Variants in DYM observed in about 807,000 individuals in gnomAD.
DYM encodes dyggve-Melchior-Clausen syndrome protein.
In DYM, 78 loss-of-function variants were observed where a neutral mutation model predicts 93.1. That is an observed-to-expected ratio of 0.84 (90% CI 0.70 to 1.01). The LOEUF (loss-of-function observed/expected upper bound fraction) is 1.01. DYM is among the 50% of genes least tolerant of loss of function. The pLI is 0.00. For missense variants in DYM, 789 were observed against 845.0 expected, an observed-to-expected ratio of 0.93 and a Z score of 0.82; for synonymous variants, 321 against 319.7, an observed-to-expected ratio of 1.00 and a Z score of -0.04.
chr18:49,346,313 T>C (rs549521334), intron 6 of DYM, among the ~76,000 whole-genome samples: 1 of 152,326 alleles, frequency 6.6e-6, no homozygotes, highest in Admixed American at 6.5e-5. Context: ...GAAATACTGG[T>C]ACATATTATA....
intron 8 of DYM, among the ~76,000 whole-genome samples, chr18:49,299,512 G>A (rs2060769445): frequency 6.6e-6 from 1 of 151,990 alleles, no homozygotes; most frequent in Non-Finnish European, 1.5e-5. Flanking sequence ...ACGATATACA[G>A]ACTTTAACCT....
At chr18:49,241,432 T>G (rs1382410119) in intron 13 of DYM, among the ~76,000 whole-genome samples, 1 of 152,240 alleles carries the variant, frequency 6.6e-6, no homozygotes, top group African/African-American at 2.4e-5. Flanking sequence ...CTGTACCTTA[T>G]AGATGGCTAG....
chr18:49,258,984 A>AC lies in DYM; in HGVS notation c.1252-492_1252-491insG, dbSNP rs1388405902. On this transcript the variant is annotated intron_variant, in intron 11 of 17. Coordinates refer to ENST00000675505, the MANE Select transcript of DYM (RefSeq NM_001353214.3). ...AGAGGTAAAATGGGGGAAAAAACAAAAAAAAAAACAAACCAACAGGCTCAG... is the reference window on the plus strand; with the variant it reads ...AGAGGTAAAATGGGGGAAAAAACAAACAAAAAAAACAAACCAACAGGCTCAG... 2.1e-3 allele frequency among the ~76,000 whole-genome samples: 319 copies of AC among 150,722 alleles called. 4 individuals carry two copies. Among genetic ancestry groups the AC allele is most frequent in the African/African-American group, 7.3e-3 (299 of 41,042 alleles).
At chr18:49,121,356 A>G (rs1365749241) in intron 15 of DYM, among the ~76,000 whole-genome samples, 2 of 152,180 alleles carry the variant, frequency 1.3e-5, no homozygotes, top group African/African-American at 4.8e-5. Flanking sequence ...CCCTACAAAG[A>G]GAAAAAAAGA....
chr18:49,356,860 TATAA>T (rs1244588422), intron 6 of DYM, among the ~76,000 whole-genome samples: 3 of 152,274 alleles, frequency 2.0e-5, no homozygotes, highest in African/African-American at 7.2e-5. Flanking sequence ...AGCTGAATTT[TATAA>T]ATAAGATTCT....
intron 17 of DYM, among the ~76,000 whole-genome samples, chr18:49,064,450 A>G (rs989065640): frequency 2.6e-5 from 4 of 152,240 alleles, no homozygotes; most frequent in Non-Finnish European, 5.9e-5. Flanking sequence ...TAATTCTGAA[A>G]ATAGATCCAC....
chr18:49,371,730 G>A (rs2067060973), intron 5 of DYM, among the ~76,000 whole-genome samples: 1 of 152,166 alleles, frequency 6.6e-6, no homozygotes, highest in Non-Finnish European at 1.5e-5. Context: ...TTTTGCCTAG[G>A]GCTGGCTTTG....
At chr18:49,210,543 AGAGGGGAGAGAGGGAT>A (rs2092730924) in intron 13 of DYM, among the ~76,000 whole-genome samples, 1 of 152,218 alleles carries the variant, frequency 6.6e-6, no homozygotes, top group African/African-American at 2.4e-5. Flanking sequence ...GCCAGGAGTT[AGAGGGGAGAGAGGGAT>A]GAATATACAA....
intron 6 of DYM, among the ~76,000 whole-genome samples, chr18:49,338,233 T>C (rs575577247): frequency 6.6e-6 from 1 of 152,288 alleles, no homozygotes; most frequent in East Asian, 1.9e-4. Context: ...ATAACTAAAA[T>C]GTTTGGAATA....
intron 15 of DYM, among the ~76,000 whole-genome samples, chr18:49,141,286 T>C (rs2084467073): frequency 6.6e-6 from 1 of 152,204 alleles, no homozygotes; most frequent in African/African-American, 2.4e-5. Context: ...GCCCTTTAAG[T>C]CACTTCTCCA....
chr18:49,308,192 T>C (rs2146301513), intron 8 of DYM, among the ~76,000 whole-genome samples: 1 of 152,242 alleles, frequency 6.6e-6, no homozygotes, highest in African/African-American at 2.4e-5. Context: ...AGAGACAGAA[T>C]TATAGCTAAA....
chr18:49,399,222 G>A (rs568719915), intron 2 of DYM, among the ~76,000 whole-genome samples: 22 of 152,244 alleles, frequency 1.4e-4, no homozygotes, highest in Middle Eastern at 3.4e-3. Context: ...TGCACTCAAC[G>A]TACCATAGAA....
intron 15 of DYM, among the ~76,000 whole-genome samples, chr18:49,150,740 A>T (rs1226457344): frequency 6.6e-6 from 1 of 152,176 alleles, no homozygotes; most frequent in African/African-American, 2.4e-5. Context: ...AGGACAAAGG[A>T]TATGTTTCTG....
chr18:49,158,139 C>T lies in DYM; in HGVS notation c.1728+5546G>A, dbSNP rs1481225441. On this transcript the variant is annotated intron_variant, in intron 15 of 17. Transcript: ENST00000675505. Reference sequence around the variant, plus strand: ...ACCCAGCTCAAATTTCAACTCCTTTCAATGAAGACTGCCACAGTACCTCCC... The same window carrying T: ...ACCCAGCTCAAATTTCAACTCCTTTTAATGAAGACTGCCACAGTACCTCCC... Among the ~76,000 whole-genome samples the T allele has an allele frequency of 3.3e-5, 5 of 152,298 alleles. No individual in the cohort carries two copies. The South Asian group carries it at 8.3e-4, about 25-fold the overall frequency.
intron 1 of DYM, among the ~76,000 whole-genome samples, chr18:49,453,523 G>A (rs1320861991): frequency 5.9e-5 from 9 of 152,068 alleles, no homozygotes; most frequent in South Asian, 2.1e-4. Context: ...GAACACATCC[G>A]AAAATCAGAA....
At chr18:49,079,109 TTTTTCCA>T (rs2077559998) in intron 17 of DYM, among the ~76,000 whole-genome samples, 1 of 152,258 alleles carries the variant, frequency 6.6e-6, no homozygotes. Flanking sequence ...CTGTCTGTCT[TTTTTCCA>T]TTTGGCCCTT....
intron 15 of DYM, among the ~76,000 whole-genome samples, chr18:49,123,834 A>C (rs922989227): frequency 5.3e-5 from 8 of 152,202 alleles, no homozygotes; most frequent in Admixed American, 1.3e-4. Context: ...TTAGTATAGA[A>C]GGAAGAGACT....
intron 8 of DYM, among the ~76,000 whole-genome samples, chr18:49,310,399 A>G (rs983862821): frequency 1.3e-5 from 2 of 152,226 alleles, no homozygotes; most frequent in African/African-American, 2.4e-5. Context: ...AAATCTTGGT[A>G]TAAAACATGA....
intron 11 of DYM, among the ~76,000 whole-genome samples, chr18:49,263,199 A>C (rs1598978183): frequency 6.6e-6 from 1 of 151,574 alleles, no homozygotes; most frequent in Non-Finnish European, 1.5e-5. Context: ...GCTCACTGCA[A>C]CCTCCGCCTC....
Sources: gnomAD v4.1 joint callset for allele counts (sites outside exome capture counted in the v4.1 genomes callset) on GRCh38, gnomAD v4.1.1 for gene constraint, MANE v1.5 for transcripts, NCBI Gene and HGNC (gene_info 2026-07-23, HGNC 2026-07-21) for gene names.